The following UBE2W variants were observed in gnomAD, a reference collection of about 807,000 sequenced individuals.
The protein encoded by UBE2W is ubiquitin conjugating enzyme E2 W, also known as ubiquitin-conjugating enzyme E2 W.
In UBE2W, 18 loss-of-function variants were observed where a neutral mutation model predicts 27.2. That is an observed-to-expected ratio of 0.66 (90% CI 0.46 to 0.98). The LOEUF is 0.98. Ranked by LOEUF, UBE2W falls within the 50% of genes least tolerant of loss-of-function variation. The pLI is 0.00. For missense variants in UBE2W, 90 were observed against 180.2 expected (o/e 0.50, Z 2.87); for synonymous variants, 53 against 57.2 (o/e 0.93, Z 0.33).
intron 1 of UBE2W, among the ~76,000 whole-genome samples, chr8:73,856,791 C>T (rs866046315): frequency 2.7e-5 from 4 of 150,270 alleles, no homozygotes; most frequent in Non-Finnish European, 5.9e-5. Context: ...CTGCAGCCTC[C>T]GCCTCCTGGG....
In UBE2W at chr8:73,874,891, G is replaced by T. The variant is rs539617445; in HGVS notation, c.15+3917C>A. On this transcript the variant is annotated intron_variant, in intron 1 of 5. Coordinates refer to ENST00000602593, the MANE Select transcript of UBE2W (RefSeq NM_018299.6). Reference sequence around the variant, plus strand: ...CAGCCTGGGCAACATAGTGAAACCTGTCTCTACAAAATACAAAAACCTGTA... The same window carrying T: ...CAGCCTGGGCAACATAGTGAAACCTTTCTCTACAAAATACAAAAACCTGTA... 3.3e-5 allele frequency among the ~76,000 whole-genome samples: 5 copies of T among 152,208 alleles called. No homozygotes were observed. In the East Asian group the frequency reaches 9.6e-4, roughly 29 times the overall value.
chr8:73,787,175 G>C lies in UBE2W; in HGVS notation c.*6927C>G. On this transcript the variant is annotated 3_prime_UTR_variant, in exon 6 of 6. Transcript: ENST00000602593. The stretch of plus-strand genomic sequence containing the variant: ...AATCTTACAGGCAACTAAAAAAATG[G>C]TTGAAAGGGGCTCCCAACAGGACAG... 1.0e-6 allele frequency: 1 copy of C among 985,398 alleles called. No homozygotes were observed. Among genetic ancestry groups the C allele is most frequent in the Non-Finnish European group, 1.2e-6 (1 of 829,924 alleles). The allele number at this position is 985,398 out of a possible 1,614,324, so 61.0% of individuals were successfully genotyped here.
intron 1 of UBE2W, among the ~76,000 whole-genome samples, chr8:73,849,045 CAAA>C (rs80229283): frequency 2.0e-5 from 3 of 152,042 alleles, no homozygotes; most frequent in African/African-American, 7.2e-5. Flanking sequence ...GTTTATTAAA[CAAA>C]AAAAGAAAAA....
At chr8:73,797,505 C>T (rs1471438785) in intron 5 of UBE2W, among the ~76,000 whole-genome samples, 2 of 152,154 alleles carry the variant, frequency 1.3e-5, no homozygotes, top group Non-Finnish European at 2.9e-5. Flanking sequence ...AAAGTTTGGA[C>T]TCAGGAATTT....
intron 1 of UBE2W, among the ~76,000 whole-genome samples, chr8:73,878,384 C>CT (rs1240572128): frequency 1.3e-5 from 2 of 152,216 alleles, no homozygotes; most frequent in African/African-American, 4.8e-5. Context: ...CACACTCAGC[C>CT]CCCCGCCGCC....
intron 5 of UBE2W, among the ~76,000 whole-genome samples, chr8:73,795,424 T>C (rs1021339795): frequency 3.9e-5 from 6 of 152,272 alleles, no homozygotes; most frequent in African/African-American, 1.4e-4. Context: ...CCTTCCACCA[T>C]GAGTAAAAGC....
chr8:73,835,371 C>G (rs1810263013), intron 1 of UBE2W, among the ~76,000 whole-genome samples: 1 of 152,136 alleles, frequency 6.6e-6, no homozygotes, highest in South Asian at 2.1e-4. Context: ...TAGTTCCCTC[C>G]CTCAGAGCTG....
At chr8:73,817,798 C>G (rs1433064152) in intron 3 of UBE2W, among the ~76,000 whole-genome samples, 1 of 152,228 alleles carries the variant, frequency 6.6e-6, no homozygotes, top group East Asian at 1.9e-4. Flanking sequence ...GAGGCATGAG[C>G]CACCACGCCC....
chr8:73,796,894 A>C (rs1339687950), intron 5 of UBE2W, among the ~76,000 whole-genome samples: 2 of 1,782 alleles, frequency 1.1e-3, no homozygotes, highest in Non-Finnish European at 1.7e-3. Flanking sequence ...AAAATAAATA[A>C]ATAAAAAATA....
chr8:73,818,169 T>C (rs1490005486), intron 3 of UBE2W, among the ~76,000 whole-genome samples: 3 of 152,246 alleles, frequency 2.0e-5, no homozygotes, highest in African/African-American at 7.2e-5. Context: ...TTCAGTTGTC[T>C]GTACAGTTGC....
chr8:73,789,997 G>C lies in UBE2W; in HGVS notation c.*4105C>G. The C allele has an allele frequency of 1.0e-6, 1 of 985,036 alleles. No individual in the cohort carries two copies. Among genetic ancestry groups the C allele is most frequent in the Non-Finnish European group, 1.2e-6 (1 of 829,710 alleles). 61.0% of individuals were successfully genotyped at this position (985,036 alleles called of 1,614,324 possible). ...AAATTTCCTTAATATTAGTACTAAAGAACTAATTACAGCTAACAGCTCATT... is the reference window on the plus strand; with the variant it reads ...AAATTTCCTTAATATTAGTACTAAACAACTAATTACAGCTAACAGCTCATT... On this transcript the variant is annotated 3_prime_UTR_variant, in exon 6 of 6. Coordinates refer to ENST00000602593, the MANE Select transcript of UBE2W (RefSeq NM_018299.6).
chr8:73,832,136 A>ATATATATATATATATATAT (rs1563601304), intron 1 of UBE2W, among the ~76,000 whole-genome samples: 1 of 145,346 alleles, frequency 6.9e-6, no homozygotes, highest in African/African-American at 2.6e-5. Context: ...AAAATAAATA[A>ATATATATATATATATATAT]ATATATATAT....
At chr8:73,864,070 T>A (rs567631619) in intron 1 of UBE2W, among the ~76,000 whole-genome samples, 1 of 152,154 alleles carries the variant, frequency 6.6e-6, no homozygotes, top group East Asian at 1.9e-4. Flanking sequence ...AGGACTTCAA[T>A]ACTTCCAAAT....
At chr8:73,805,820 T>G in intron 4 of UBE2W, 94 bp from the exon 5 acceptor site, 1 of 626,040 alleles carries the variant, frequency 1.6e-6, no homozygotes. Flanking sequence ...ACAGAATGCA[T>G]AAAAAACAAT....
intron 5 of UBE2W, among the ~76,000 whole-genome samples, chr8:73,802,400 GGTTT>G (rs1279627863): frequency 1.3e-5 from 2 of 151,672 alleles, no homozygotes; most frequent in Non-Finnish European, 2.9e-5. Context: ...TTTCATAAAC[GGTTT>G]ATTTTTAATA....
chr8:73,841,073 G>T (rs1356780235), intron 1 of UBE2W, among the ~76,000 whole-genome samples: 1 of 152,134 alleles, frequency 6.6e-6, no homozygotes, highest in Non-Finnish European at 1.5e-5. Context: ...AAATGACCAA[G>T]AATGTTTTCT....
chr8:73,822,369 T>A (rs375075758), intron 3 of UBE2W, among the ~76,000 whole-genome samples: 2 of 152,130 alleles, frequency 1.3e-5, no homozygotes. Context: ...AACACAGGGC[T>A]TGCAACTTAG....
rs1808387884 is a variant in UBE2W at position 73,795,830 on chromosome 8, C to T, written c.443-1715G>A. On this transcript the variant is annotated intron_variant, in intron 5 of 5. Coordinates refer to ENST00000602593, the MANE Select transcript of UBE2W (RefSeq NM_018299.6). ...TGCAAAGTGGCTCACGCCTGTAATT[C>T]CAGCATTTGGGGAGGCTGAGGTGGA... The T allele has an allele frequency of 6.2e-6, 6 of 974,968 alleles. No homozygotes were observed. In the African/African-American group the frequency reaches 7.0e-5, roughly 11 times the overall value. 60.4% of individuals were successfully genotyped at this position (974,968 alleles called of 1,614,324 possible). A position where few individuals can be genotyped will look rare whatever the true frequency, so the allele number is the denominator to read the frequency against.
chr8:73,844,844 G>A (rs1012411993), intron 1 of UBE2W, among the ~76,000 whole-genome samples: 13 of 150,550 alleles, frequency 8.6e-5, no homozygotes, highest in South Asian at 2.1e-4. Context: ...CCGCCACCCC[G>A]TCTGGGAGGT....
Sources: gnomAD v4.1 joint callset for allele counts (sites outside exome capture counted in the v4.1 genomes callset) on GRCh38, gnomAD v4.1.1 for gene constraint, MANE v1.5 for transcripts, NCBI Gene and HGNC (gene_info 2026-07-23, HGNC 2026-07-21) for gene names.